Variants in ST6GALNAC3 observed in about 807,000 individuals in gnomAD.
ST6GALNAC3 encodes ST6 N-acetylgalactosaminide alpha-2,6-sialyltransferase 3.
In ST6GALNAC3, 25 loss-of-function variants were observed where a neutral mutation model predicts 32.7. The observed-to-expected ratio is 0.76, with a 90% CI of 0.56 to 1.07. The LOEUF is 1.07. Among genes scored for constraint, ST6GALNAC3 ranks in the 50% least tolerant of loss-of-function variants. The pLI is 0.00. For synonymous variants in ST6GALNAC3, 129 were observed against 133.1 expected (o/e 0.97, Z 0.21); for missense variants, 355 against 382.4 (o/e 0.93, Z 0.60).
intron 1 of ST6GALNAC3, among the ~76,000 whole-genome samples, chr1:76,105,920 CA>C (rs1204543764): frequency 2.6e-5 from 4 of 152,116 alleles, no homozygotes; most frequent in Non-Finnish European, 5.9e-5. Context: ...GACAATTCTT[CA>C]CATGATGGAG....
chr1:76,094,581 T>A (rs1183612703), intron 1 of ST6GALNAC3, among the ~76,000 whole-genome samples: 5 of 152,196 alleles, frequency 3.3e-5, no homozygotes, highest in African/African-American at 7.2e-5. Context: ...AACTGGGAAG[T>A]CTGGCTCCAG....
At chr1:76,596,279 A>G (rs1337496560) in intron 3 of ST6GALNAC3, among the ~76,000 whole-genome samples, 1 of 152,162 alleles carries the variant, frequency 6.6e-6, no homozygotes, top group Non-Finnish European at 1.5e-5. Flanking sequence ...CTTATCATGT[A>G]GAATTATAAT....
At chr1:76,221,020 G>A (rs1655736957) in intron 1 of ST6GALNAC3, among the ~76,000 whole-genome samples, 1 of 151,926 alleles carries the variant, frequency 6.6e-6, no homozygotes, top group Non-Finnish European at 1.5e-5. Context: ...GGCCAGATTG[G>A]CTTTGGAGCA....
intron 1 of ST6GALNAC3, among the ~76,000 whole-genome samples, chr1:76,122,886 C>G (rs1648979389): frequency 6.6e-6 from 1 of 152,158 alleles, no homozygotes; most frequent in Admixed American, 6.5e-5. Flanking sequence ...GCTCAAACAG[C>G]TCCAGTTGTT....
At chr1:76,199,653 A>C (rs984606853) in intron 1 of ST6GALNAC3, among the ~76,000 whole-genome samples, 2 of 152,190 alleles carry the variant, frequency 1.3e-5, no homozygotes, top group Admixed American at 6.5e-5. Context: ...ATTTATCATG[A>C]CCATTTTGAA....
At chr1:76,375,583 T>G (rs1463159553) in intron 2 of ST6GALNAC3, among the ~76,000 whole-genome samples, 1 of 152,114 alleles carries the variant, frequency 6.6e-6, no homozygotes, top group Non-Finnish European at 1.5e-5. Flanking sequence ...GTGAAGTGAC[T>G]AGAAGCCCAG....
rs373333370 is a variant in ST6GALNAC3 at position 76,382,591 on chromosome 1, G to A, written c.214-29417G>A. The stretch of plus-strand genomic sequence containing the variant: ...CATAGCAGACACCCAGTGAAAAATG[G>A]TGCTTCTCAAAGTATGGTCCTGAGA... On this transcript the variant is annotated intron_variant, in intron 2 of 4. Coordinates refer to ENST00000328299, the MANE Select transcript of ST6GALNAC3 (RefSeq NM_152996.4). 6.6e-5 allele frequency among the ~76,000 whole-genome samples: 10 copies of A among 152,150 alleles called. No homozygotes were observed. In the South Asian group the frequency reaches 8.3e-4, roughly 13 times the overall value.
intron 1 of ST6GALNAC3, among the ~76,000 whole-genome samples, chr1:76,266,463 C>A (rs1658532672): frequency 6.6e-6 from 1 of 152,172 alleles, no homozygotes; most frequent in Non-Finnish European, 1.5e-5. Context: ...GACCCAGCAT[C>A]CCTGGCTCAG....
At chr1:76,579,053 C>T (rs957613780) in intron 3 of ST6GALNAC3, among the ~76,000 whole-genome samples, 4 of 151,964 alleles carry the variant, frequency 2.6e-5, no homozygotes, top group Admixed American at 6.6e-5. Flanking sequence ...CTGAGAAAAC[C>T]AGACTATTAT....
intron 1 of ST6GALNAC3, among the ~76,000 whole-genome samples, chr1:76,096,998 A>C (rs1421026734): frequency 6.7e-6 from 1 of 148,444 alleles, no homozygotes; most frequent in Non-Finnish European, 1.5e-5. Flanking sequence ...GGCTCACTGC[A>C]ATCTCCGCCT....
intron 3 of ST6GALNAC3, among the ~76,000 whole-genome samples, chr1:76,524,441 G>C (rs1662742335): frequency 6.6e-6 from 1 of 152,052 alleles, no homozygotes; most frequent in Non-Finnish European, 1.5e-5. Context: ...ATATGTTATA[G>C]TTATCTGATT....
chr1:76,146,122 G>A (rs578050518), intron 1 of ST6GALNAC3, among the ~76,000 whole-genome samples: 22 of 152,332 alleles, frequency 1.4e-4, no homozygotes, highest in African/African-American at 3.8e-4. Flanking sequence ...TGGACAAGAC[G>A]TGCTTTTCAA....
chr1:76,412,896 G>A (rs1305378136), intron 3 of ST6GALNAC3: 2 of 245,018 alleles, frequency 8.2e-6, no homozygotes, highest in East Asian at 1.4e-4. Context: ...AATAGGCACT[G>A]TGATCCTGAA....
chr1:76,212,959 G>C (rs1655251209), intron 1 of ST6GALNAC3, among the ~76,000 whole-genome samples: 1 of 152,176 alleles, frequency 6.6e-6, no homozygotes, highest in African/African-American at 2.4e-5. Context: ...TTCTGTGCTG[G>C]AAACATTTGG....
chr1:76,411,851 A>G, intron 2 of ST6GALNAC3, 157 bp from the exon 3 acceptor site: 1 of 698,758 alleles, frequency 1.4e-6, no homozygotes, highest in East Asian at 2.8e-5. Context: ...TAACTTGATA[A>G]TCTGTGGCAG....
intron 1 of ST6GALNAC3, among the ~76,000 whole-genome samples, chr1:76,224,954 G>C (rs565786556): frequency 6.6e-6 from 1 of 152,106 alleles, no homozygotes; most frequent in African/African-American, 2.4e-5. Flanking sequence ...AGACTGCAGG[G>C]ATGTCAGCCT....
intron 1 of ST6GALNAC3, among the ~76,000 whole-genome samples, chr1:76,275,429 C>G (rs1659082605): frequency 6.6e-6 from 1 of 152,186 alleles, no homozygotes; most frequent in South Asian, 2.1e-4. Flanking sequence ...TGGCAGGAAG[C>G]TTAACTTTGG....
At chr1:76,281,325 G>A (rs746377483) in intron 1 of ST6GALNAC3, among the ~76,000 whole-genome samples, 12 of 152,184 alleles carry the variant, frequency 7.9e-5, no homozygotes, top group Non-Finnish European at 1.8e-4. Context: ...TTCATTTTCT[G>A]TGTTAATGTA....
chr1:76,483,761 A>G (rs1659900720), intron 3 of ST6GALNAC3, among the ~76,000 whole-genome samples: 1 of 152,100 alleles, frequency 6.6e-6, no homozygotes, highest in African/African-American at 2.4e-5. Context: ...TTTTGTTGCC[A>G]TTGCTCTTTG....
Sources: allele counts gnomAD v4.1 joint callset (sites outside exome capture counted in the v4.1 genomes callset), GRCh38; gene constraint gnomAD v4.1.1; transcripts MANE v1.5; gene names NCBI Gene and HGNC (gene_info 2026-07-23, HGNC 2026-07-21).